FBXW11: variants seen among roughly 807,000 people sequenced by gnomAD.
FBXW11 encodes F-box and WD repeat domain containing 11, also known as F-box/WD repeat-containing protein 11.
Under a neutral mutation model 77.6 loss-of-function variants are expected in FBXW11, and 19 were observed. The ratio of observed to expected loss-of-function variants is 0.24; its 90% CI spans 0.17 to 0.36. FBXW11 has a LOEUF of 0.36. Among genes scored for constraint, FBXW11 ranks in the 10% least tolerant of loss-of-function variants. The pLI is 1.00. For synonymous variants in FBXW11, 235 were observed against 249.4 expected, an observed-to-expected ratio of 0.94 and a Z score of 0.54; for missense variants, 334 against 704.2, an observed-to-expected ratio of 0.47 and a Z score of 5.95.
chr5:171,869,226 CAAG>C lies in FBXW11; in HGVS notation c.1531-433_1531-431del, dbSNP rs1242491860. Reference sequence around the variant, plus strand: ...ATAATATAAGAGTTCCCATTAAAATCAAGAAGACAGTTCTGCATCTTCTAGTAA... The same window carrying C: ...ATAATATAAGAGTTCCCATTAAAATCAAGACAGTTCTGCATCTTCTAGTAA... On this transcript the variant is annotated intron_variant, in intron 12 of 13. Coordinates refer to ENST00000517395, the MANE Select transcript of FBXW11 (RefSeq NM_001378974.1). The surrounding 1 kb of genome is among the most constrained non-coding windows in gnomAD (Gnocchi z 4.1). Among the ~76,000 whole-genome samples, 10 of 152,136 alleles carry C rather than the reference CAAG, an allele frequency of 6.6e-5. No individual in the cohort carries two copies. Among genetic ancestry groups the C allele is most frequent in the Admixed American group, 3.9e-4 (6 of 15,276 alleles).
intron 1 of FBXW11, among the ~76,000 whole-genome samples, chr5:171,984,959 G>A (rs1301733143): frequency 6.6e-6 from 1 of 152,172 alleles, no homozygotes; most frequent in Non-Finnish European, 1.5e-5. Flanking sequence ...AAAACAAGCA[G>A]TTAACTTTCA....
At chr5:171,918,024 G>A (rs530291680) in intron 2 of FBXW11, among the ~76,000 whole-genome samples, 1 of 151,996 alleles carries the variant, frequency 6.6e-6, no homozygotes, top group East Asian at 1.9e-4. Flanking sequence ...CTGGACTAGA[G>A]CAACAGCCTG....
At chr5:171,920,700 T>TA (rs573916171) in intron 2 of FBXW11, among the ~76,000 whole-genome samples, 1 of 151,962 alleles carries the variant, frequency 6.6e-6, no homozygotes, top group African/African-American at 2.4e-5. Flanking sequence ...TTCATCTCTA[T>TA]AAAAAAGCAA....
Position 171,916,347 on chromosome 5 carries a change from C to T in FBXW11, c.148-1942G>A, listed in dbSNP as rs867613499. On this transcript the variant is annotated intron_variant, in intron 2 of 13. Coordinates refer to ENST00000517395, the MANE Select transcript of FBXW11 (RefSeq NM_001378974.1). ...TTTGACAGGATGCTCCAGATGGCCG[C>T]CTATGGGGAAAACCTGACTTTCTCA... 1.2e-5 allele frequency: 8 copies of T among 666,226 alleles called. No homozygotes were observed. The African/African-American group carries it at 1.4e-4, about 11-fold the overall frequency. The allele number at this position is 666,226 out of a possible 1,614,324, so 41.3% of individuals were successfully genotyped here. A position where few individuals can be genotyped will look rare whatever the true frequency, so the allele number is the denominator to read the frequency against.
At chr5:171,928,285 T>C (rs1338558703) in intron 2 of FBXW11, among the ~76,000 whole-genome samples, 1 of 152,222 alleles carries the variant, frequency 6.6e-6, no homozygotes, top group Non-Finnish European at 1.5e-5. Flanking sequence ...TTCATGTTCA[T>C]GGATTGCAAG....
Position 171,868,906 on chromosome 5 carries a change from A to G in FBXW11, c.1531-110T>C, listed in dbSNP as rs192030580. The G allele has an allele frequency of 8.6e-6, 8 of 929,432 alleles. No homozygotes were observed. In the African/African-American group the frequency reaches 1.2e-4, roughly 14 times the overall value. The allele number at this position is 929,432 out of a possible 1,614,324, so 57.6% of individuals were successfully genotyped here. A position where few individuals can be genotyped will look rare whatever the true frequency, so the allele number is the denominator to read the frequency against. On this transcript the variant is annotated intron_variant, in intron 12 of 13. Coordinates refer to ENST00000517395, the MANE Select transcript of FBXW11 (RefSeq NM_001378974.1). Reference sequence around the variant, plus strand: ...ATGCAGCCACTTAAACAGACTTCCTAAACGACTGTACAGAGCTCACTGAAC... The same window carrying G: ...ATGCAGCCACTTAAACAGACTTCCTGAACGACTGTACAGAGCTCACTGAAC...
intron 2 of FBXW11, among the ~76,000 whole-genome samples, chr5:171,950,184 A>C (rs1763231096): frequency 6.6e-6 from 1 of 152,130 alleles, no homozygotes; most frequent in African/African-American, 2.4e-5. Flanking sequence ...ACTTTGAACA[A>C]GTATGTTATT....
chr5:171,994,828 C>T (rs935513288), intron 1 of FBXW11, among the ~76,000 whole-genome samples: 5 of 151,982 alleles, frequency 3.3e-5, no homozygotes, highest in Non-Finnish European at 5.9e-5. Context: ...ACTTGAGGCC[C>T]GGAGTTTGAG....
At chr5:171,970,150 T>G (rs1051271722) in intron 1 of FBXW11, among the ~76,000 whole-genome samples, 1 of 152,206 alleles carries the variant, frequency 6.6e-6, no homozygotes, top group East Asian at 1.9e-4. Context: ...TCTTTTGAAT[T>G]CTGCTATGTT....
intron 2 of FBXW11, among the ~76,000 whole-genome samples, chr5:171,947,432 C>T (rs1317700601): frequency 2.0e-5 from 3 of 151,942 alleles, no homozygotes; most frequent in East Asian, 3.9e-4. Context: ...GGTGTGGTGG[C>T]CCACGCCTGT....
chr5:171,897,777 G>A (rs1476880359), intron 6 of FBXW11, among the ~76,000 whole-genome samples: 2 of 151,360 alleles, frequency 1.3e-5, no homozygotes, highest in Admixed American at 6.6e-5. Flanking sequence ...AAAAAACAGA[G>A]GGTAATGTAG....
At chr5:171,912,331 G>T (rs188495946) in intron 3 of FBXW11, among the ~76,000 whole-genome samples, 2 of 152,084 alleles carry the variant, frequency 1.3e-5, no homozygotes, top group Non-Finnish European at 2.9e-5. Context: ...GTACCACCAG[G>T]GGGAAGCATT....
intron 2 of FBXW11, among the ~76,000 whole-genome samples, chr5:171,950,435 G>A (rs1763246448): frequency 6.6e-6 from 1 of 151,074 alleles, no homozygotes; most frequent in East Asian, 1.9e-4. Flanking sequence ...CTGTACTCTC[G>A]CCTCCACCCC....
intron 13 of FBXW11, among the ~76,000 whole-genome samples, chr5:171,866,422 T>G (rs901995619): frequency 6.6e-6 from 1 of 152,212 alleles, no homozygotes; most frequent in African/African-American, 2.4e-5. Flanking sequence ...AGATAAGATT[T>G]TTCCATTGAC....
intron 7 of FBXW11, among the ~76,000 whole-genome samples, chr5:171,882,395 G>A (rs1363923851): frequency 2.6e-5 from 4 of 152,246 alleles, no homozygotes; most frequent in East Asian, 1.9e-4. Flanking sequence ...TTGACCTCCC[G>A]GGCTCAGGTG....
chr5:171,985,817 T>C (rs1333399582), intron 1 of FBXW11, among the ~76,000 whole-genome samples: 1 of 152,110 alleles, frequency 6.6e-6, no homozygotes, highest in African/African-American at 2.4e-5. Flanking sequence ...CATGGTGGCA[T>C]GCACCAGCAG....
chr5:171,945,989 T>C (rs1762988861), intron 2 of FBXW11, among the ~76,000 whole-genome samples: 1 of 152,196 alleles, frequency 6.6e-6, no homozygotes, highest in Non-Finnish European at 1.5e-5. Flanking sequence ...TATTAGCAGA[T>C]ATTGGTGTAA....
intron 2 of FBXW11, among the ~76,000 whole-genome samples, chr5:171,927,386 A>G (rs982889801): frequency 2.0e-5 from 3 of 152,236 alleles, no homozygotes; most frequent in African/African-American, 7.2e-5. Flanking sequence ...AAGAGTGGCA[A>G]TACACACAGA....
chr5:171,914,800 C>T (rs934062625), intron 2 of FBXW11, among the ~76,000 whole-genome samples: 1 of 152,148 alleles, frequency 6.6e-6, no homozygotes, highest in African/African-American at 2.4e-5. Context: ...AGTAATGCAC[C>T]CCAAGGAATC....
Sources: gnomAD v4.1 joint callset for allele counts (sites outside exome capture counted in the v4.1 genomes callset) on GRCh38, gnomAD v4.1.1 for gene constraint, Gnocchi (gnomAD v3.1) non-coding constraint, MANE v1.5 for transcripts, NCBI Gene and HGNC (gene_info 2026-07-23, HGNC 2026-07-21) for gene names.